CCDC163: variants seen among roughly 807,000 people sequenced by gnomAD.
CCDC163 encodes the protein CCDC163 homolog.
CCDC163 carries 13 observed loss-of-function variants against 8.2 expected under a neutral mutation model. The ratio of observed to expected loss-of-function variants is 1.59; its 90% confidence interval spans 1.04 to 2.54. The LOEUF (loss-of-function observed/expected upper bound fraction) is 2.54. Among genes scored for constraint, CCDC163 ranks in the 30% most tolerant of loss-of-function variants. The pLI is 0.00. For synonymous variants in CCDC163, 41 were observed against 30.9 expected (o/e 1.33, Z -1.08); for missense variants, 117 against 78.6 (o/e 1.49, Z -1.85).
chr1:45,499,255 T>A (rs1643464293), intron 2 of CCDC163, 90 bp downstream of exon 2: 1 of 715,924 alleles, frequency 1.4e-6, no homozygotes, highest in Admixed American at 2.0e-5. Flanking sequence ...AGGACAGAGT[T>A]GGAATTTGGA....
In CCDC163 at chr1:45,496,613, C is replaced by T; in HGVS notation, c.273G>A (p.Gln91=). The change falls in exon 4 of 5, where the codon CAG becomes CAA. Residue 91 remains glutamine, a synonymous_variant. Coordinates refer to ENST00000629482, the MANE Select transcript of CCDC163 (RefSeq NM_001102601.3). ...CAGCCAGCTGTTTCAGCAGCAGCTC[C>T]TGGTGCTGGCCTGCAGATGAGAGAG... ...KLLQYQLSQH[Q]ELLLKQLAEG... The T allele has an allele frequency of 1.3e-6, 1 of 780,174 alleles. No homozygotes were observed. The highest frequency in any genetic ancestry group is 2.4e-5 in the East Asian group (1 of 41,250). The allele number at this position is 780,174 out of a possible 1,614,324, so 48.3% of individuals were successfully genotyped here.
At chr1:45,497,613 A>G (rs2149316801) in intron 2 of CCDC163, among the ~76,000 whole-genome samples, 7 of 127,280 alleles carry the variant, frequency 5.5e-5, no homozygotes, top group East Asian at 4.3e-4. Context: ...TTGGCCTCCC[A>G]AAGTGCCGAG....
chr1:45,497,293 A>G lies in CCDC163; in HGVS notation c.262+6T>C. On this transcript the variant is annotated splice_donor_region_variant and intron_variant, in intron 3 of 4. Transcript: ENST00000629482. The stretch of plus-strand genomic sequence containing the variant: ...GCATATTCGCCCCCAACCACCTTTT[A>G]CTTACTCAACTGGTACTGCAGCAAC... 1 of 778,238 alleles carries G rather than the reference A, an allele frequency of 1.3e-6. No individual in the cohort carries two copies. The highest frequency in any genetic ancestry group is 1.3e-5 in the South Asian group (1 of 74,344). The allele number at this position is 778,238 out of a possible 1,614,324, so 48.2% of individuals were successfully genotyped here.
chr1:45,495,532 CATGA>C (rs1224257519), intron 4 of CCDC163: 1 of 702,638 alleles, frequency 1.4e-6, no homozygotes, highest in Admixed American at 2.0e-5. Context: ...GATTGGACAA[CATGA>C]ATGGAGATCC....
At chr1:45,496,277 G>T in intron 4 of CCDC163, 1 of 505,396 alleles carries the variant, frequency 2.0e-6, no homozygotes, top group Non-Finnish European at 3.6e-6. Flanking sequence ...GCCAGATCAT[G>T]GGCTCAGGTG....
At chr1:45,495,271 G>A (rs918843010) in intron 4 of CCDC163, 105 bp from the exon 5 acceptor site, 1 of 738,876 alleles carries the variant, frequency 1.4e-6, no homozygotes, top group African/African-American at 1.7e-5. Context: ...ATAGAGGACT[G>A]ACAGGATAAA....
chr1:45,497,119 G>A (rs1419764186), intron 3 of CCDC163, among the ~76,000 whole-genome samples, 180 bp downstream of exon 3: 1 of 152,142 alleles, frequency 6.6e-6, no homozygotes, highest in Non-Finnish European at 1.5e-5. Flanking sequence ...GTTGCAGTGA[G>A]CCAAGATTGC....
At chr1:45,497,695 CG>C (rs1643364529) in intron 2 of CCDC163, among the ~76,000 whole-genome samples, 2 of 41,324 alleles carry the variant, frequency 4.8e-5, no homozygotes, top group Non-Finnish European at 9.2e-5. Flanking sequence ...CCACCCCGTC[CG>C]GGAGGGAGGT....
At chr1:45,498,122 A>T (rs1392514518) in intron 2 of CCDC163, among the ~76,000 whole-genome samples, 1 of 151,716 alleles carries the variant, frequency 6.6e-6, no homozygotes, top group Non-Finnish European at 1.5e-5. Context: ...GTGTCCACTC[A>T]GAGTTAAATG....
In CCDC163 at chr1:45,495,171, G is replaced by C. The variant is rs1466221113; in HGVS notation, c.331-5C>G. On this transcript the variant is annotated splice_region_variant and splice_polypyrimidine_tract_variant and intron_variant, in intron 4 of 4. Transcript: ENST00000629482. The stretch of plus-strand genomic sequence containing the variant: ...AAAGGGTGCTCCTCTGGGGATCTAA[G>C]AGGAAAGAAAAGGGAAGAGAAAACA... The C allele has an allele frequency of 2.6e-6, 2 of 780,734 alleles. No homozygotes were observed. The highest frequency in any genetic ancestry group is 4.8e-6 in the Non-Finnish European group (2 of 418,000). The allele number at this position is 780,734 out of a possible 1,614,324, so 48.4% of individuals were successfully genotyped here. A position where few individuals can be genotyped will look rare whatever the true frequency, so the allele number is the denominator to read the frequency against.
intron 4 of CCDC163, chr1:45,495,552 AG>A (rs1654041054): frequency 2.8e-6 from 2 of 702,518 alleles, no homozygotes; most frequent in East Asian, 5.4e-5. Context: ...GATCCTGGAA[AG>A]GGGAACAGAA....
chr1:45,494,081 C>T lies in CCDC163; in HGVS notation c.*978G>A, dbSNP rs1201239555. 1.3e-5 allele frequency: 2 copies of T among 152,048 alleles called. No homozygotes were observed. Among genetic ancestry groups the T allele is most frequent in the Non-Finnish European group, 2.9e-5 (2 of 68,040 alleles). 9.4% of individuals were successfully genotyped at this position (152,048 alleles called of 1,614,324 possible). A position where few individuals can be genotyped will look rare whatever the true frequency, so the allele number is the denominator to read the frequency against. ...GAGGCAGAGAGACTGAAAGAAGAGA[C>T]CAGGGAAGAGGCTGCTACAGAAATG... On this transcript the variant is annotated 3_prime_UTR_variant, in exon 5 of 5. Transcript: ENST00000629482.
chr1:45,496,082 C>A (rs1431959717), intron 4 of CCDC163: 3 of 284,300 alleles, frequency 1.1e-5, no homozygotes, highest in Non-Finnish European at 1.4e-5. Flanking sequence ...CAAGTCAAAT[C>A]TAGGATAGCT....
At chr1:45,495,555 G>C (rs150953023) in intron 4 of CCDC163, 12 of 702,514 alleles carry the variant, frequency 1.7e-5, no homozygotes, top group African/African-American at 1.6e-4. Context: ...CCTGGAAAGG[G>C]GAACAGAACC....
chr1:45,497,675 C>A (rs6671329), intron 2 of CCDC163, among the ~76,000 whole-genome samples: 1 of 16,610 alleles, frequency 6.0e-5, no homozygotes, highest in African/African-American at 2.3e-4. Context: ...GGAGCGTCTC[C>A]GCCCGGCAGC....
chr1:45,499,275 G>A (rs1455993570), intron 2 of CCDC163, 70 bp downstream of exon 2: 3 of 722,124 alleles, frequency 4.2e-6, no homozygotes, highest in African/African-American at 3.5e-5. Context: ...AAGGAATAAT[G>A]GATGATACGG....
chr1:45,499,794 AAAGG>A lies in CCDC163; in HGVS notation c.-189_-186del. 1.7e-6 allele frequency: 1 copy of A among 599,914 alleles called. No homozygotes were observed. Among genetic ancestry groups the A allele is most frequent in the East Asian group, 2.8e-5 (1 of 35,744 alleles). The allele number at this position is 599,914 out of a possible 1,614,324, so 37.2% of individuals were successfully genotyped here. ...CAAAACTGCGATCCTGTGACTAGGGAAAGGAAGGACGCTCTTGGGGAACTGGGGG... is the reference window on the plus strand; with the variant it reads ...CAAAACTGCGATCCTGTGACTAGGGAAAGGACGCTCTTGGGGAACTGGGGG... On this transcript the variant is annotated 5_prime_UTR_variant, in exon 1 of 5. Transcript: ENST00000629482.
Position 45,497,402 on chromosome 1 carries a change from T to C in CCDC163, c.178-19A>G, listed in dbSNP as rs1417881933. 1 of 775,690 alleles carries C rather than the reference T, an allele frequency of 1.3e-6. No individual in the cohort carries two copies. Among genetic ancestry groups the C allele is most frequent in the African/African-American group, 1.7e-5 (1 of 58,460 alleles). The allele number at this position is 775,690 out of a possible 1,614,324, so 48.1% of individuals were successfully genotyped here. A position where few individuals can be genotyped will look rare whatever the true frequency, so the allele number is the denominator to read the frequency against. On this transcript the variant is annotated intron_variant, in intron 2 of 4. Transcript: ENST00000629482. ...TGCTATTCTAAAGTCAATCAACAAA[T>C]CCAGAGTAAGAAGGCAAGTAGAGTA...
chr1:45,496,601 C>T lies in CCDC163; in HGVS notation c.285G>A (p.Leu95=), dbSNP rs373695278. ...YQLSQHQELL[L]KQLAEGRQAQ... is the part of the protein sequence containing the mutation. ...CCTGTCGTCCCTCAGCCAGCTGTTT[C>T]AGCAGCAGCTCCTGGTGCTGGCCTG... Residue 95 remains leucine, a synonymous_variant, in exon 4 of 5, where the codon CTG becomes CTA. Transcript: ENST00000629482. 120 of 780,504 alleles carry T rather than the reference C, an allele frequency of 1.5e-4. No homozygotes were observed. In the Middle Eastern group the frequency reaches 2.5e-3, roughly 16 times the overall value. The allele number at this position is 780,504 out of a possible 1,614,324, so 48.3% of individuals were successfully genotyped here. A position where few individuals can be genotyped will look rare whatever the true frequency, so the allele number is the denominator to read the frequency against.
Sources: gnomAD v4.1 joint callset for allele counts (sites outside exome capture counted in the v4.1 genomes callset) on GRCh38, gnomAD v4.1.1 for gene constraint, MANE v1.5 for transcripts, NCBI Gene and HGNC (gene_info 2026-07-23, HGNC 2026-07-21) for gene names.